Variants in CREB5 observed in about 807,000 individuals in gnomAD.
CREB5 encodes the protein cyclic AMP-responsive element-binding protein 5.
In CREB5, 19 loss-of-function variants were observed where a neutral mutation model predicts 57.1. That is an observed-to-expected ratio of 0.33 (90% CI 0.23 to 0.49). The LOEUF is 0.49. Among genes scored for constraint, CREB5 ranks in the 20% least tolerant of loss-of-function variants. CREB5 has a pLI of 0.99. For missense variants in CREB5, 579 were observed against 671.6 expected (o/e 0.86, Z 1.52); for synonymous variants, 238 against 238.3 (o/e 1.00, Z 0.01).
chr7:28,459,785 GTTT>G (rs1790276002), intron 1 of CREB5, among the ~76,000 whole-genome samples: 1 of 152,134 alleles, frequency 6.6e-6, no homozygotes, highest in Non-Finnish European at 1.5e-5. Context: ...GTGGGGTCCT[GTTT>G]TCATTAATTA....
intron 1 of CREB5, among the ~76,000 whole-genome samples, chr7:28,435,108 T>C (rs1049300329): frequency 2.7e-5 from 4 of 149,816 alleles, no homozygotes; most frequent in East Asian, 1.9e-4. Context: ...TTTTTTTTTT[T>C]CCTCCCTCAC....
At chr7:28,522,456 C>A (rs1331619692) in intron 4 of CREB5, among the ~76,000 whole-genome samples, 1 of 144,532 alleles carries the variant, frequency 6.9e-6, no homozygotes, top group Non-Finnish European at 1.5e-5. Context: ...AGTGCAATGG[C>A]ACAATCTCTG....
At chr7:28,443,406 C>G (rs181250131) in intron 1 of CREB5, among the ~76,000 whole-genome samples, 57 of 152,310 alleles carry the variant, frequency 3.7e-4, no homozygotes, top group African/African-American at 1.3e-3. Flanking sequence ...AGCAAACCTG[C>G]CATCTGCTCC....
chr7:28,545,466 GC>G (rs1298427606), intron 4 of CREB5, among the ~76,000 whole-genome samples: 2 of 152,154 alleles, frequency 1.3e-5, no homozygotes, highest in East Asian at 3.9e-4. Flanking sequence ...TATTACATTA[GC>G]CTATACAGAG....
At chr7:28,608,105 TCTCTCTCTCACACACACTCACACA>T (rs1185025407) in intron 5 of CREB5, among the ~76,000 whole-genome samples, 1 of 36,904 alleles carries the variant, frequency 2.7e-5, no homozygotes, top group African/African-American at 1.1e-4. Flanking sequence ...TCTCTCTCTC[TCTCTCTCTCACACACACTCACACA>T]CACACACACA....
intron 5 of CREB5, among the ~76,000 whole-genome samples, chr7:28,584,112 A>G (rs1192805233): frequency 6.6e-6 from 1 of 151,978 alleles, no homozygotes; most frequent in African/African-American, 2.4e-5. Flanking sequence ...CGGTGGGAAT[A>G]CCTCACGGAA....
In CREB5 at chr7:28,507,532, A is replaced by AG. The variant is rs1299027607; in HGVS notation, c.170-80dup. 10 of 1,465,210 alleles carry AG rather than the reference A, an allele frequency of 6.8e-6. No homozygotes were observed. The African/African-American group carries it at 1.1e-4, about 16-fold the overall frequency. 90.8% of individuals were successfully genotyped at this position (1,465,210 alleles called of 1,614,324 possible). A position where few individuals can be genotyped will look rare whatever the true frequency, so the allele number is the denominator to read the frequency against. ...TGGACATTTTAATTAAGGCAAGGGG[A>AG]GGGGATTAGTGAATCTAGCTCATGC... On this transcript the variant is annotated intron_variant, in intron 3 of 10. Coordinates refer to ENST00000357727, the MANE Select transcript of CREB5 (RefSeq NM_182898.4).
chr7:28,608,145 A>ATT, intron 5 of CREB5, among the ~76,000 whole-genome samples: 1 of 149,224 alleles, frequency 6.7e-6, no homozygotes, highest in African/African-American at 2.5e-5. Context: ...ACACACACAC[A>ATT]CACACACACA....
chr7:28,342,844 G>T (rs777676851), intron 1 of CREB5, among the ~76,000 whole-genome samples: 17 of 152,208 alleles, frequency 1.1e-4, no homozygotes, highest in Admixed American at 2.6e-4. Flanking sequence ...ATTGTGTAAT[G>T]ATCAAATCAG....
chr7:28,758,269 A>G (rs1001966333), intron 7 of CREB5, among the ~76,000 whole-genome samples: 3 of 152,222 alleles, frequency 2.0e-5, no homozygotes, highest in South Asian at 2.1e-4. Flanking sequence ...GGATGTTCAC[A>G]TAAGAAGAAA....
chr7:28,450,371 A>C (rs1392836243), intron 1 of CREB5, among the ~76,000 whole-genome samples: 1 of 152,218 alleles, frequency 6.6e-6, no homozygotes, highest in East Asian at 1.9e-4. Context: ...GATCTCAAAA[A>C]TTATCCCAGT....
At chr7:28,606,553 C>T (rs1442884454) in intron 5 of CREB5, among the ~76,000 whole-genome samples, 3 of 152,166 alleles carry the variant, frequency 2.0e-5, no homozygotes, top group African/African-American at 2.4e-5. Flanking sequence ...TTCCCTCTGC[C>T]TCTCAGTTAT....
chr7:28,664,444 C>T (rs770030668), intron 5 of CREB5, among the ~76,000 whole-genome samples: 2 of 151,988 alleles, frequency 1.3e-5, no homozygotes, highest in African/African-American at 2.4e-5. Context: ...CTCTCCTTTC[C>T]TTCCTCTCTT....
chr7:28,631,470 A>G (rs1456318925), intron 5 of CREB5, among the ~76,000 whole-genome samples: 1 of 152,214 alleles, frequency 6.6e-6, no homozygotes, highest in Admixed American at 6.5e-5. Flanking sequence ...TGTTTAACCA[A>G]TATTGAGCAT....
At chr7:28,468,332 G>A (rs1195364868) in intron 1 of CREB5, among the ~76,000 whole-genome samples, 3 of 152,210 alleles carry the variant, frequency 2.0e-5, no homozygotes, top group African/African-American at 4.8e-5. Flanking sequence ...GCACCTGGAT[G>A]GCAAGTTCTT....
chr7:28,788,149 T>A (rs1807445333), intron 7 of CREB5, among the ~76,000 whole-genome samples: 1 of 152,102 alleles, frequency 6.6e-6, no homozygotes, highest in Admixed American at 6.5e-5. Context: ...GCTGGATAAT[T>A]ATTTGCTGTG....
At chr7:28,802,852 CTG>C (rs1006733997) in intron 7 of CREB5, among the ~76,000 whole-genome samples, 16 of 152,276 alleles carry the variant, frequency 1.1e-4, no homozygotes, top group Admixed American at 3.9e-4. Flanking sequence ...TTTTAAGTGA[CTG>C]GGGAAAAAAA....
At chr7:28,551,989 C>G (rs1794681942) in intron 4 of CREB5, among the ~76,000 whole-genome samples, 1 of 29,220 alleles carries the variant, frequency 3.4e-5, no homozygotes. Flanking sequence ...CTCTCTCTTT[C>G]TCTCTTTTCT....
chr7:28,470,615 T>C (rs1346895937), intron 1 of CREB5, among the ~76,000 whole-genome samples: 1 of 152,192 alleles, frequency 6.6e-6, no homozygotes, highest in African/African-American at 2.4e-5. Flanking sequence ...CTGGGTCATA[T>C]GGTAGCTCTA....
Sources: allele counts gnomAD v4.1 joint callset (sites outside exome capture counted in the v4.1 genomes callset), GRCh38; gene constraint gnomAD v4.1.1; transcripts MANE v1.5; gene names NCBI Gene and HGNC (gene_info 2026-07-23, HGNC 2026-07-21).